The following PRKAR1B variants were observed in gnomAD, a reference collection of about 807,000 sequenced individuals.
The protein encoded by PRKAR1B is protein kinase cAMP-dependent type I regulatory subunit beta.
PRKAR1B carries 22 observed loss-of-function variants against 46.5 expected under a neutral mutation model. That is an observed-to-expected ratio of 0.47 (90% CI 0.34 to 0.68). The LOEUF is 0.68. PRKAR1B is among the 30% of genes least tolerant of loss of function. The pLI is 0.01. For missense variants in PRKAR1B, 445 were observed against 535.6 expected, an observed-to-expected ratio of 0.83 and a Z score of 1.67; for synonymous variants, 259 against 217.7, an observed-to-expected ratio of 1.19 and a Z score of -1.67.
rs778303286 is a variant in PRKAR1B, at chr7:606,238, C to A, written c.504G>T (p.Gly168=). The A allele has an allele frequency of 6.2e-7, 1 of 1,613,390 alleles. No homozygotes were observed. The highest frequency in any genetic ancestry group is 1.3e-5 in the African/African-American group (1 of 75,032). The change falls in exon 6 of 11, where the codon GGG becomes GGT. Residue 168 remains glycine, a splice_region_variant and synonymous_variant. Transcript: ENST00000537384. ...HIAGETVIQQ[G]NEGDNFYVVD... ...CGACATAGAAGTTGTCTCCTTCATT[C>A]CCTGTAACAAAAGAAGAAAGTCAAC...
intron 2 of PRKAR1B, among the ~76,000 whole-genome samples, chr7:698,455 CGT>C (rs1283496046): frequency 2.2e-4 from 33 of 151,324 alleles, no homozygotes; most frequent in African/African-American, 1.2e-4. Context: ...AGTACGTGTG[CGT>C]GTGTGCATAT....
At chr7:576,219 ATCCTCTCCTCTGCACACGGGCGGGTG>A (rs1489043581) in intron 9 of PRKAR1B, among the ~76,000 whole-genome samples, 8 of 151,844 alleles carry the variant, frequency 5.3e-5, no homozygotes, top group African/African-American at 1.9e-4. Flanking sequence ...GCACGCTGGC[ATCCTCTCCTCTGCACACGGGCGGGTG>A]TGCACGCTGG....
At chr7:596,348 G>C (rs1020573934) in intron 6 of PRKAR1B, 44 bp from the exon 7 acceptor site, 20 of 1,578,804 alleles carry the variant, frequency 1.3e-5, no homozygotes, top group Non-Finnish European at 1.6e-5. Flanking sequence ...GCCAGGCAGG[G>C]TGACCTCCTC....
intron 4 of PRKAR1B, among the ~76,000 whole-genome samples, chr7:613,974 T>C (rs1392391283): frequency 6.6e-6 from 1 of 152,048 alleles, no homozygotes; most frequent in Non-Finnish European, 1.5e-5. Context: ...ACCAAGCGGG[T>C]GGGAGACACC....
Position 582,608 on chromosome 7 carries a change from C to T in PRKAR1B, c.769+1900G>A, listed in dbSNP as rs557927065. ...GGGCGTGCGACGGCCCCTAAGAGCC[C>T]GGGACGCAGGAAGCAAGAAGCCACC... On this transcript the variant is annotated intron_variant, in intron 8 of 10. Transcript: ENST00000537384. 1.7e-4 allele frequency among the ~76,000 whole-genome samples: 26 copies of T among 152,366 alleles called. 1 individual carries two copies. The South Asian group carries it at 5.4e-3, about 32-fold the overall frequency.
Position 593,410 on chromosome 7 carries a change from C to A in PRKAR1B, c.708+2736G>T, listed in dbSNP as rs142918995. 6.6e-6 allele frequency among the ~76,000 whole-genome samples: 1 copy of A among 152,204 alleles called. No individual in the cohort carries two copies. Among genetic ancestry groups the A allele is most frequent in the Admixed American group, 6.5e-5 (1 of 15,286 alleles). On this transcript the variant is annotated intron_variant, in intron 7 of 10. Transcript: ENST00000537384. The surrounding 1 kb of genome is among the most constrained non-coding windows in gnomAD (Gnocchi z 6.1). Reference sequence around the variant, plus strand: ...GCAAATGCTCCCGTCCAAACCAGCCCGGCGCGGCCAGCTATTCTTAGCGCA... The same window carrying A: ...GCAAATGCTCCCGTCCAAACCAGCCAGGCGCGGCCAGCTATTCTTAGCGCA...
At chr7:596,937 C>T (rs886347578) in intron 6 of PRKAR1B, among the ~76,000 whole-genome samples, 3 of 152,274 alleles carry the variant, frequency 2.0e-5, no homozygotes, top group African/African-American at 2.4e-5. Context: ...TATGGCTGGG[C>T]GCTGCGGCCG....
intron 4 of PRKAR1B, among the ~76,000 whole-genome samples, chr7:615,613 G>A (rs1272476516): frequency 1.2e-4 from 18 of 151,456 alleles, no homozygotes; most frequent in South Asian, 4.2e-4. Context: ...CGAGGTGGGC[G>A]GATCACGAGG....
chr7:555,356 C>T (rs1223474766), intron 9 of PRKAR1B, among the ~76,000 whole-genome samples: 8 of 152,176 alleles, frequency 5.3e-5, no homozygotes. Context: ...TGCAAGAGCA[C>T]ACTGGCCGTG....
At chr7:639,515 A>G (rs11532831) in intron 4 of PRKAR1B, among the ~76,000 whole-genome samples, 24,437 of 152,126 alleles carry the variant, frequency 0.16, 2,174 homozygotes, top group South Asian at 0.3. Flanking sequence ...ATGTGGGTGA[A>G]GCAAAGAGAT....
chr7:577,712 G>C (rs1166507037), intron 9 of PRKAR1B, among the ~76,000 whole-genome samples: 1 of 152,238 alleles, frequency 6.6e-6, no homozygotes, highest in East Asian at 1.9e-4. Flanking sequence ...GCAGGCCACA[G>C]TTCAAACAAC....
chr7:630,530 G>A (rs2128478780), intron 4 of PRKAR1B, among the ~76,000 whole-genome samples: 1 of 152,322 alleles, frequency 6.6e-6, no homozygotes, highest in South Asian at 2.1e-4. Flanking sequence ...AAACTCAGAT[G>A]CACTTGATTT....
intron 4 of PRKAR1B, among the ~76,000 whole-genome samples, chr7:645,789 C>A (rs1175378501): frequency 6.6e-6 from 1 of 152,052 alleles, no homozygotes; most frequent in Non-Finnish European, 1.5e-5. Flanking sequence ...GGGAGGGGAC[C>A]GTGAGGTCAG....
At chr7:670,714 C>G (rs1029766269) in intron 4 of PRKAR1B, among the ~76,000 whole-genome samples, 2 of 151,536 alleles carry the variant, frequency 1.3e-5, no homozygotes, top group Non-Finnish European at 1.5e-5. Flanking sequence ...GCCACAGCAT[C>G]CAGCAGAGGG....
intron 2 of PRKAR1B, among the ~76,000 whole-genome samples, chr7:689,179 G>A (rs906922352): frequency 3.3e-5 from 5 of 151,680 alleles, no homozygotes; most frequent in Admixed American, 1.3e-4. Context: ...GCAGTGGCGC[G>A]ATCTCGGCTC....
chr7:553,561 T>G (rs1784381814), intron 9 of PRKAR1B, among the ~76,000 whole-genome samples: 1 of 152,048 alleles, frequency 6.6e-6, no homozygotes, highest in South Asian at 2.1e-4. Context: ...AGGGATCACG[T>G]CCCCACAGCC....
chr7:686,045 A>T (rs1779078412), intron 2 of PRKAR1B, among the ~76,000 whole-genome samples: 1 of 152,122 alleles, frequency 6.6e-6, no homozygotes, highest in South Asian at 2.1e-4. Context: ...TCACACCTGT[A>T]ATCCCAGCAC....
At chr7:660,248 C>A (rs1284140195) in intron 4 of PRKAR1B, among the ~76,000 whole-genome samples, 12 of 151,964 alleles carry the variant, frequency 7.9e-5, no homozygotes, top group Non-Finnish European at 1.5e-5. Flanking sequence ...TCCCCGGGGA[C>A]ATGGGCCCAC....
At chr7:556,086 C>T (rs902829851) in intron 9 of PRKAR1B, among the ~76,000 whole-genome samples, 7 of 152,178 alleles carry the variant, frequency 4.6e-5, no homozygotes, top group Non-Finnish European at 1.0e-4. Flanking sequence ...GCTTCAAGGA[C>T]GCTCGGCTCC....
Sources: gnomAD v4.1 joint callset for allele counts (sites outside exome capture counted in the v4.1 genomes callset) on GRCh38, gnomAD v4.1.1 for gene constraint, Gnocchi (gnomAD v3.1) non-coding constraint, MANE v1.5 for transcripts, NCBI Gene and HGNC (gene_info 2026-07-23, HGNC 2026-07-21) for gene names.